The following SGCD variants were observed in gnomAD, a reference collection of about 807,000 sequenced individuals.
SGCD encodes delta-sarcoglycan.
Under a neutral mutation model 36.6 loss-of-function variants are expected in SGCD, and 18 were observed. The observed-to-expected ratio is 0.49, with a 90% CI of 0.34 to 0.73. The LOEUF (loss-of-function observed/expected upper bound fraction) is 0.73, where lower values mean the gene tolerates loss of function less well. Among genes scored for constraint, SGCD ranks in the 30% least tolerant of loss-of-function variants. The pLI is 0.01. For missense variants in SGCD, 387 were observed against 346.7 expected (o/e 1.12, Z -0.92); for synonymous variants, 133 against 130.6 (o/e 1.02, Z -0.12).
intron 1 of SGCD, among the ~76,000 whole-genome samples, chr5:155,949,954 C>T (rs567443596): frequency 1.2e-4 from 18 of 152,250 alleles, no homozygotes; most frequent in Non-Finnish European, 1.8e-4. Context: ...CCCATGCATG[C>T]GCCTGGAATA....
intron 7 of SGCD, among the ~76,000 whole-genome samples, chr5:156,668,920 C>A (rs1359760183): frequency 6.6e-6 from 1 of 152,098 alleles, no homozygotes; most frequent in Non-Finnish European, 1.5e-5. Context: ...TAAGAGGAGG[C>A]CAATTGCAAG....
chr5:156,413,940 T>A (rs1332903426), intron 3 of SGCD, among the ~76,000 whole-genome samples: 5 of 152,174 alleles, frequency 3.3e-5, no homozygotes, highest in African/African-American at 1.2e-4. Flanking sequence ...ATGAAAGTCA[T>A]ACGAGTTGCT....
chr5:156,459,366 A>G (rs1031069743), intron 3 of SGCD, among the ~76,000 whole-genome samples: 4 of 152,170 alleles, frequency 2.6e-5, no homozygotes, highest in African/African-American at 4.8e-5. Context: ...TTAAAACAGG[A>G]CTTTTCAAAC....
At chr5:156,068,140 A>T (rs1760392443) in intron 1 of SGCD, among the ~76,000 whole-genome samples, 1 of 151,012 alleles carries the variant, frequency 6.6e-6, no homozygotes, top group Non-Finnish European at 1.5e-5. Context: ...ATTTTATTTT[A>T]TTTTAAGTTT....
intron 1 of SGCD, among the ~76,000 whole-genome samples, chr5:155,898,685 C>T (rs768800830): frequency 6.6e-6 from 1 of 152,204 alleles, no homozygotes; most frequent in Non-Finnish European, 1.5e-5. Context: ...TCCTGCACCT[C>T]TTCTCTGCCA....
intron 1 of SGCD, among the ~76,000 whole-genome samples, chr5:155,951,957 C>G (rs1003503660): frequency 3.3e-5 from 5 of 152,208 alleles, no homozygotes. Flanking sequence ...TGATCTTTGA[C>G]TGGATTCTCA....
the SGCD span, among the ~76,000 whole-genome samples, chr5:155,823,038 C>G: frequency 6.8e-6 from 1 of 147,760 alleles, no homozygotes; most frequent in Non-Finnish European, 1.5e-5. Flanking sequence ...ATACACATCT[C>G]TATTTCTATA....
chr5:156,224,666 A>C (rs768649743), intron 3 of SGCD, among the ~76,000 whole-genome samples: 1 of 152,140 alleles, frequency 6.6e-6, no homozygotes, highest in African/African-American at 2.4e-5. Context: ...AAGTTTTAAA[A>C]AGACTTCAGC....
At chr5:155,947,108 A>G (rs914914628) in intron 1 of SGCD, among the ~76,000 whole-genome samples, 1 of 152,180 alleles carries the variant, frequency 6.6e-6, no homozygotes, top group Admixed American at 6.5e-5. Context: ...GGAAGCATGG[A>G]TGGACATTCA....
At chr5:156,462,876 G>A (rs1437218982) in intron 3 of SGCD, among the ~76,000 whole-genome samples, 1 of 152,036 alleles carries the variant, frequency 6.6e-6, no homozygotes. Context: ...AGCCTTTATA[G>A]AAGGCTATAA....
intron 1 of SGCD, among the ~76,000 whole-genome samples, chr5:155,967,765 C>G (rs942880610): frequency 7.9e-5 from 12 of 152,072 alleles, no homozygotes; most frequent in African/African-American, 2.2e-4. Flanking sequence ...TTTGCTTTCA[C>G]TGCCTCGATC....
intron 3 of SGCD, among the ~76,000 whole-genome samples, chr5:156,447,343 A>G (rs1364047829): frequency 6.6e-6 from 1 of 152,146 alleles, no homozygotes; most frequent in Non-Finnish European, 1.5e-5. Context: ...ATACAATATA[A>G]CACACAAATG....
At chr5:156,197,665 T>A (rs965412290) in intron 3 of SGCD, among the ~76,000 whole-genome samples, 1 of 152,090 alleles carries the variant, frequency 6.6e-6, no homozygotes, top group African/African-American at 2.4e-5. Context: ...CTTATATTTG[T>A]TCTCTTGCTT....
chr5:156,278,760 A>G (rs1164390753), intron 3 of SGCD, among the ~76,000 whole-genome samples: 2 of 152,198 alleles, frequency 1.3e-5, no homozygotes, highest in African/African-American at 2.4e-5. Flanking sequence ...AACTTTTCAA[A>G]TGTTATCAAT....
At chr5:155,842,471 G>T in the SGCD span, among the ~76,000 whole-genome samples, 1 of 151,976 alleles carries the variant, frequency 6.6e-6, no homozygotes. Flanking sequence ...TACTCAGGAG[G>T]CTGAGGCAGG....
chr5:156,354,309 T>G (rs1463848898), intron 3 of SGCD, among the ~76,000 whole-genome samples: 8 of 152,056 alleles, frequency 5.3e-5, no homozygotes, highest in Non-Finnish European at 7.4e-5. Context: ...GCTGGTAAGT[T>G]AAACTTGATT....
chr5:156,176,134 TG>T (rs35555162), intron 3 of SGCD, among the ~76,000 whole-genome samples: 3 of 151,942 alleles, frequency 2.0e-5, no homozygotes, highest in Middle Eastern at 3.4e-3. Context: ...TGTGTGTGTG[TG>T]TTTGTGTGTG....
the SGCD span, among the ~76,000 whole-genome samples, chr5:155,840,865 G>T: frequency 4.0e-5 from 6 of 151,736 alleles, no homozygotes; most frequent in East Asian, 9.9e-4. Flanking sequence ...TACAAAATTA[G>T]CTGGGCATGG....
chr5:155,769,508 T>C, the SGCD span, among the ~76,000 whole-genome samples: 1 of 151,776 alleles, frequency 6.6e-6, no homozygotes, highest in Non-Finnish European at 1.5e-5. Flanking sequence ...TACAAGTTCA[T>C]GAGTCTGGTT....
Sources: gnomAD v4.1 joint callset for allele counts (sites outside exome capture counted in the v4.1 genomes callset) on GRCh38, gnomAD v4.1.1 for gene constraint, MANE v1.5 for transcripts, NCBI Gene and HGNC (gene_info 2026-07-23, HGNC 2026-07-21) for gene names.